Variants in MLLT10 observed in about 807,000 individuals in gnomAD.
The protein encoded by MLLT10 is protein AF-10.
In MLLT10, 30 loss-of-function variants were observed where a neutral mutation model predicts 129.1. The ratio of observed to expected loss-of-function variants is 0.23; its 90% CI spans 0.17 to 0.32. The LOEUF (loss-of-function observed/expected upper bound fraction) is 0.32, where lower values mean the gene tolerates loss of function less well. MLLT10 is among the 10% of genes least tolerant of loss of function. The probability of loss-of-function intolerance (pLI) is 1.00; values close to 1 mark genes in which losing one functional copy is unlikely to be tolerated. For synonymous variants in MLLT10, 490 were observed against 446.4 expected (o/e 1.10, Z -1.23); for missense variants, 1,119 against 1,268.3 (o/e 0.88, Z 1.79).
At chr10:21,701,132 C>T (rs1273960442) in intron 13 of MLLT10, among the ~76,000 whole-genome samples, 1 of 151,974 alleles carries the variant, frequency 6.6e-6, no homozygotes, top group Non-Finnish European at 1.5e-5. Context: ...CTATTCTCTG[C>T]TGTCTTTCAT....
Position 21,534,526 on chromosome 10 carries a change from C to A in MLLT10, c.-1+6C>A. The A allele has an allele frequency of 9.5e-7, 1 of 1,050,806 alleles. No homozygotes were observed. 65.1% of individuals were successfully genotyped at this position (1,050,806 alleles called of 1,614,324 possible). ...GACTGAGCGGCAAAGCCCGAGTGAGCGAGCGGTGGGCTGCCGGGCCGGGCG... is the reference window on the plus strand; with the variant it reads ...GACTGAGCGGCAAAGCCCGAGTGAGAGAGCGGTGGGCTGCCGGGCCGGGCG... On this transcript the variant is annotated splice_donor_region_variant and intron_variant, in intron 1 of 22. Coordinates refer to ENST00000307729, the MANE Select transcript of MLLT10 (RefSeq NM_001195626.3).
chr10:21,541,027 G>T (rs761591441), intron 3 of MLLT10, among the ~76,000 whole-genome samples: 7 of 152,116 alleles, frequency 4.6e-5, no homozygotes, highest in Non-Finnish European at 1.0e-4. Context: ...GGGTGTGGTG[G>T]TGTGCACCTG....
At position 21,610,624 on chromosome 10, in the gene MLLT10, T is replaced by C. The variant is rs142085265; in HGVS notation, c.406-1724T>C. Among the ~76,000 whole-genome samples, 1,365 of 151,950 alleles carry C rather than the reference T, an allele frequency of 9.0e-3. 12 individuals are homozygous for C. Among genetic ancestry groups the C allele is most frequent in the African/African-American group, 0.031 (1,276 of 41,508 alleles). On this transcript the variant is annotated intron_variant, in intron 5 of 22. Coordinates refer to ENST00000307729, the MANE Select transcript of MLLT10 (RefSeq NM_001195626.3). ...TGGATGTTTCACCCCCCTTCTTTTT[T>C]TTTTTTTATAAATAAAAATTATCAT...
intron 4 of MLLT10, among the ~76,000 whole-genome samples, chr10:21,591,836 T>G (rs1241162926): frequency 6.6e-6 from 1 of 152,034 alleles, no homozygotes; most frequent in African/African-American, 2.4e-5. Context: ...CAGTCCTGCC[T>G]CAGCCTCCTG....
At chr10:21,561,963 G>A (rs2038870459) in intron 3 of MLLT10, among the ~76,000 whole-genome samples, 1 of 151,930 alleles carries the variant, frequency 6.6e-6, no homozygotes, top group African/African-American at 2.4e-5. Context: ...GCCCCACCAC[G>A]CTCAGCTAAT....
At chr10:21,694,056 C>G (rs1375546527) in intron 13 of MLLT10, among the ~76,000 whole-genome samples, 1 of 152,178 alleles carries the variant, frequency 6.6e-6, no homozygotes, top group Non-Finnish European at 1.5e-5. Context: ...TATTTTGAAG[C>G]AATCTCAAAC....
chr10:21,537,371 C>T (rs1232418527), intron 2 of MLLT10, among the ~76,000 whole-genome samples: 1 of 152,120 alleles, frequency 6.6e-6, no homozygotes, highest in African/African-American at 2.4e-5. Context: ...AATCTCGGCT[C>T]ACTGCAGCCT....
At chr10:21,668,947 G>C (rs971039843) in intron 9 of MLLT10, 15 of 1,320,036 alleles carry the variant, frequency 1.1e-5, no homozygotes, top group Non-Finnish European at 1.4e-5. Flanking sequence ...GAGAGGAATG[G>C]AGAACCTCAG....
At chr10:21,704,944 C>T (rs1166641316) in intron 13 of MLLT10, among the ~76,000 whole-genome samples, 4 of 152,090 alleles carry the variant, frequency 2.6e-5, no homozygotes, top group Non-Finnish European at 5.9e-5. Flanking sequence ...GCACCTCAGT[C>T]GTGGACCAAG....
chr10:21,576,695 A>G (rs988407462), intron 3 of MLLT10, among the ~76,000 whole-genome samples: 1 of 151,074 alleles, frequency 6.6e-6, no homozygotes, highest in African/African-American at 2.4e-5. Context: ...CAATGGCACA[A>G]TCTCGGCTCA....
intron 9 of MLLT10, among the ~76,000 whole-genome samples, chr10:21,666,147 ATATTG>A (rs1160019610): frequency 1.3e-5 from 2 of 151,788 alleles, no homozygotes; most frequent in Admixed American, 6.6e-5. Flanking sequence ...ATTTTTTGTT[ATATTG>A]TATTGTTTGA....
chr10:21,699,908 T>C (rs982340252), intron 13 of MLLT10, among the ~76,000 whole-genome samples: 1 of 152,186 alleles, frequency 6.6e-6, no homozygotes, highest in Non-Finnish European at 1.5e-5. Flanking sequence ...TCTATTTCTA[T>C]GAAAAATGAT....
intron 10 of MLLT10, chr10:21,671,103 C>G (rs1445663332): frequency 6.1e-6 from 1 of 164,672 alleles, no homozygotes; most frequent in Non-Finnish European, 1.3e-5. Context: ...ACTGCAACCT[C>G]CGCCTCTCAG....
intron 9 of MLLT10, among the ~76,000 whole-genome samples, chr10:21,652,557 A>G (rs564687915): frequency 6.6e-6 from 1 of 152,356 alleles, no homozygotes; most frequent in African/African-American, 2.4e-5. Context: ...TGTGGTTAAT[A>G]TGAAAACAGA....
chr10:21,647,886 A>AT (rs1266503659), intron 8 of MLLT10, among the ~76,000 whole-genome samples: 3 of 148,074 alleles, frequency 2.0e-5, no homozygotes, highest in Admixed American at 2.0e-4. Flanking sequence ...TGTTTTTTTT[A>AT]TTTTTTGGGG....
chr10:21,553,539 C>T (rs2037421787), intron 3 of MLLT10, among the ~76,000 whole-genome samples: 1 of 151,656 alleles, frequency 6.6e-6, no homozygotes, highest in Non-Finnish European at 1.5e-5. Context: ...ATTGGCCAGG[C>T]TGGTCTCAAA....
intron 8 of MLLT10, among the ~76,000 whole-genome samples, chr10:21,617,932 A>G (rs1004272382): frequency 1.2e-4 from 19 of 152,074 alleles, no homozygotes; most frequent in African/African-American, 4.3e-4. Flanking sequence ...CTGAGGCGAG[A>G]GGATCGTTTG....
intron 8 of MLLT10, among the ~76,000 whole-genome samples, chr10:21,633,627 C>T (rs1015446995): frequency 1.3e-5 from 2 of 152,050 alleles, no homozygotes; most frequent in South Asian, 4.1e-4. Flanking sequence ...CCCAGGAAGT[C>T]GAGGCCACAA....
intron 3 of MLLT10, among the ~76,000 whole-genome samples, chr10:21,558,186 G>A (rs1018595042): frequency 4.6e-5 from 7 of 151,652 alleles, no homozygotes; most frequent in African/African-American, 1.7e-4. Context: ...ACTGACCTCC[G>A]GTGATCCACC....
Sources: gnomAD v4.1 joint callset for allele counts (sites outside exome capture counted in the v4.1 genomes callset) on GRCh38, gnomAD v4.1.1 for gene constraint, MANE v1.5 for transcripts, NCBI Gene and HGNC (gene_info 2026-07-23, HGNC 2026-07-21) for gene names.